The following MCCC2 variants were observed in gnomAD, a reference collection of about 807,000 sequenced individuals.
MCCC2 encodes the protein methylcrotonoyl-CoA carboxylase beta chain, mitochondrial.
A neutral mutation model predicts 77.2 loss-of-function variants in MCCC2; 52 were observed. That is an observed-to-expected ratio of 0.67 (90% CI 0.54 to 0.85). The LOEUF (loss-of-function observed/expected upper bound fraction) is 0.85, where lower values mean the gene tolerates loss of function less well. Among genes scored for constraint, MCCC2 ranks in the 40% least tolerant of loss-of-function variants. The pLI, the probability that MCCC2 is intolerant of heterozygous loss-of-function variation, is 0.00. For missense variants in MCCC2, 682 were observed against 703.2 expected (o/e 0.97, Z 0.34); for synonymous variants, 253 against 248.4 (o/e 1.02, Z -0.18).
chr5:71,601,230 T>C (rs1745417353), intron 4 of MCCC2, among the ~76,000 whole-genome samples: 1 of 152,232 alleles, frequency 6.6e-6, no homozygotes, highest in Non-Finnish European at 1.5e-5. Context: ...CTATGTCCCT[T>C]GTCCATGGTC....
intron 10 of MCCC2, among the ~76,000 whole-genome samples, chr5:71,639,077 T>G (rs277935): frequency 0.36 from 54,555 of 152,072 alleles, 10,675 homozygotes; most frequent in East Asian, 0.57. Context: ...TATGCTGTCA[T>G]CCAGGGTTTG....
chr5:71,587,564 G>A lies in MCCC2; in HGVS notation c.129+10G>A, dbSNP rs1744813637. The A allele has an allele frequency of 1.3e-6, 2 of 1,533,344 alleles. No homozygotes were observed. Among genetic ancestry groups the A allele is most frequent in the African/African-American group, 2.7e-5 (2 of 73,202 alleles). The allele number at this position is 1,533,344 out of a possible 1,614,324, so 95.0% of individuals were successfully genotyped here. A position where few individuals can be genotyped will look rare whatever the true frequency, so the allele number is the denominator to read the frequency against. Reference sequence around the variant, plus strand: ...CTCTGCCCTCTACCAGGTAGGCTGAGCGCCCCGGTGGCCTGGCCGCCGGTG... The same window carrying A: ...CTCTGCCCTCTACCAGGTAGGCTGAACGCCCCGGTGGCCTGGCCGCCGGTG... On this transcript the variant is annotated intron_variant, in intron 1 of 16. Coordinates refer to ENST00000340941, the MANE Select transcript of MCCC2 (RefSeq NM_022132.5).
chr5:71,603,726 A>G (rs1745548779), intron 5 of MCCC2, among the ~76,000 whole-genome samples: 1 of 152,234 alleles, frequency 6.6e-6, no homozygotes, highest in African/African-American at 2.4e-5. Context: ...GACACAGCAT[A>G]TAATGTGCAA....
At chr5:71,610,152 C>T (rs547141861) in intron 6 of MCCC2, among the ~76,000 whole-genome samples, 10 of 152,344 alleles carry the variant, frequency 6.6e-5, no homozygotes, top group East Asian at 3.9e-4. Flanking sequence ...CAATGGCGAG[C>T]GCCCCTCCCC....
intron 8 of MCCC2, 123 bp downstream of exon 8, chr5:71,632,308 C>A: frequency 1.1e-6 from 1 of 873,090 alleles, no homozygotes; most frequent in South Asian, 1.4e-5. Context: ...TTTATTTGTT[C>A]TTGATCTGCT....
At chr5:71,638,507 T>C (rs1057198829) in intron 10 of MCCC2, among the ~76,000 whole-genome samples, 1 of 152,236 alleles carries the variant, frequency 6.6e-6, no homozygotes, top group Non-Finnish European at 1.5e-5. Context: ...CTATGGCAGC[T>C]ATAGCCTGAG....
intron 6 of MCCC2, among the ~76,000 whole-genome samples, chr5:71,606,484 A>G (rs1429466243): frequency 8.2e-5 from 12 of 147,210 alleles, no homozygotes; most frequent in Admixed American, 3.4e-4. Context: ...GGCTGAGACA[A>G]TGGGGTTTTC....
intron 16 of MCCC2, 64 bp from the exon 17 acceptor site, chr5:71,656,679 A>T: frequency 2.4e-6 from 3 of 1,253,362 alleles, no homozygotes; most frequent in East Asian, 2.3e-5. Flanking sequence ...ATTTCTGCAC[A>T]TGGAGAGTGT....
chr5:71,636,932 C>A (rs1002772740), intron 10 of MCCC2, among the ~76,000 whole-genome samples: 1 of 151,526 alleles, frequency 6.6e-6, no homozygotes, highest in Non-Finnish European at 1.5e-5. Context: ...TTAGTAGAGG[C>A]GGGGTTTCAC....
At chr5:71,624,764 G>A (rs1181550156) in intron 6 of MCCC2, among the ~76,000 whole-genome samples, 2 of 149,178 alleles carry the variant, frequency 1.3e-5, no homozygotes, top group Non-Finnish European at 3.0e-5. Context: ...GCGTGATCTC[G>A]GCTCAGGGCA....
intron 6 of MCCC2, among the ~76,000 whole-genome samples, chr5:71,615,936 C>T (rs1267149530): frequency 1.3e-5 from 2 of 152,162 alleles, no homozygotes; most frequent in Non-Finnish European, 2.9e-5. Context: ...CAAGCCATGA[C>T]CATAAACTTG....
rs532018569 is a variant in MCCC2 at position 71,614,852 on chromosome 5, C to T, written c.624+10384C>T. Among the ~76,000 whole-genome samples the T allele has an allele frequency of 7.2e-5, 11 of 152,190 alleles. No individual in the cohort carries two copies. The South Asian group carries it at 8.3e-4, about 12-fold the overall frequency. Reference sequence around the variant, plus strand: ...TTTTTCTTCTCACACCCCAAAATCACGTTGATACCTTTTCTTTAAAGGAAA... The same window carrying T: ...TTTTTCTTCTCACACCCCAAAATCATGTTGATACCTTTTCTTTAAAGGAAA... On this transcript the variant is annotated intron_variant, in intron 6 of 16. Transcript: ENST00000340941.
intron 10 of MCCC2, among the ~76,000 whole-genome samples, chr5:71,639,305 A>G (rs1023357705): frequency 6.6e-6 from 1 of 152,168 alleles, no homozygotes; most frequent in Non-Finnish European, 1.5e-5. Context: ...ACCTTCATCA[A>G]TGATCTTAGC....
intron 11 of MCCC2, among the ~76,000 whole-genome samples, chr5:71,643,151 G>A (rs1370825781): frequency 1.3e-5 from 2 of 152,182 alleles, no homozygotes; most frequent in East Asian, 1.9e-4. Context: ...GGGAGGCCAA[G>A]GTGGGAGGAT....
Position 71,604,490 on chromosome 5 carries a change from G to A in MCCC2, c.624+22G>A. ...ACAGGTAATTTTTCATGAATAAAGT[G>A]TACAGTGGTGCTTTTTACTCTTAAG... On this transcript the variant is annotated intron_variant, in intron 6 of 16. Coordinates refer to ENST00000340941, the MANE Select transcript of MCCC2 (RefSeq NM_022132.5). The A allele has an allele frequency of 1.9e-6, 3 of 1,553,210 alleles. No homozygotes were observed. The South Asian group carries it at 3.3e-5, about 17-fold the overall frequency.
intron 6 of MCCC2, among the ~76,000 whole-genome samples, chr5:71,620,657 A>C (rs572680485): frequency 6.1e-4 from 93 of 152,320 alleles, no homozygotes; most frequent in African/African-American, 2.2e-3. Flanking sequence ...TGTTTAGGCA[A>C]GACCTAGAGG....
chr5:71,608,897 C>T (rs572376474), intron 6 of MCCC2, among the ~76,000 whole-genome samples: 1 of 152,198 alleles, frequency 6.6e-6, no homozygotes, highest in African/African-American at 2.4e-5. Context: ...AATATTGGCC[C>T]CTAGTCTCTT....
intron 16 of MCCC2, among the ~76,000 whole-genome samples, chr5:71,655,094 A>C (rs1038679490): frequency 1.3e-5 from 2 of 152,196 alleles, no homozygotes; most frequent in Non-Finnish European, 2.9e-5. Context: ...TCGGCTTCCC[A>C]AAGTACTGGG....
chr5:71,615,260 C>T (rs190933597), intron 6 of MCCC2, among the ~76,000 whole-genome samples: 47 of 152,260 alleles, frequency 3.1e-4, no homozygotes, highest in African/African-American at 1.1e-3. Context: ...TGAGCCACCG[C>T]GCCCAGCCAA....
Sources: gnomAD v4.1 joint callset for allele counts (sites outside exome capture counted in the v4.1 genomes callset) on GRCh38, gnomAD v4.1.1 for gene constraint, MANE v1.5 for transcripts, NCBI Gene and HGNC (gene_info 2026-07-23, HGNC 2026-07-21) for gene names.